Variants in SLC25A12 observed in about 807,000 individuals in gnomAD.
SLC25A12 encodes electrogenic aspartate/glutamate antiporter SLC25A12, mitochondrial.
In SLC25A12, 32 loss-of-function variants were observed where a neutral mutation model predicts 83.3. The observed-to-expected ratio is 0.38, with a 90% confidence interval of 0.29 to 0.52. The LOEUF (loss-of-function observed/expected upper bound fraction) is 0.52. SLC25A12 is among the 20% of genes least tolerant of loss of function. The pLI, the probability that SLC25A12 is intolerant of heterozygous loss-of-function variation, is 0.84. For synonymous variants in SLC25A12, 267 were observed against 291.1 expected (o/e 0.92, Z 0.84); for missense variants, 611 against 835.6 (o/e 0.73, Z 3.31).
intron 13 of SLC25A12, among the ~76,000 whole-genome samples, chr2:171,803,746 T>G (rs1184260941): frequency 6.6e-6 from 1 of 152,116 alleles, no homozygotes; most frequent in Admixed American, 6.5e-5. Context: ...TGTTCACACC[T>G]GTGAACAGTC....
chr2:171,888,644 T>C (rs993145331), intron 2 of SLC25A12, among the ~76,000 whole-genome samples: 1 of 152,086 alleles, frequency 6.6e-6, no homozygotes, highest in East Asian at 1.9e-4. Flanking sequence ...GGTTTCACCA[T>C]GTTGCCCAGG....
intron 1 of SLC25A12, among the ~76,000 whole-genome samples, chr2:171,893,923 A>G (rs2105938517): frequency 6.6e-6 from 1 of 152,010 alleles, no homozygotes; most frequent in South Asian, 2.1e-4. Flanking sequence ...CCGGACTCAC[A>G]ATCCCATGCA....
intron 4 of SLC25A12, among the ~76,000 whole-genome samples, chr2:171,847,034 T>C (rs1684811784): frequency 6.6e-6 from 1 of 152,182 alleles, no homozygotes. Context: ...TCCATGAGTA[T>C]TTGGACATTT....
chr2:171,805,043 T>C (rs530454565), intron 13 of SLC25A12, among the ~76,000 whole-genome samples: 4 of 152,086 alleles, frequency 2.6e-5, no homozygotes, highest in Admixed American at 2.0e-4. Flanking sequence ...AATGGGGGAG[T>C]TGTATGGTAC....
intron 8 of SLC25A12, among the ~76,000 whole-genome samples, chr2:171,831,205 G>C (rs1247007654): frequency 6.6e-6 from 1 of 152,194 alleles, no homozygotes; most frequent in African/African-American, 2.4e-5. Flanking sequence ...AAGGACCTAA[G>C]GGAGCCTGGG....
intron 8 of SLC25A12, among the ~76,000 whole-genome samples, chr2:171,832,739 A>G (rs1217494367): frequency 6.6e-6 from 1 of 152,230 alleles, no homozygotes; most frequent in Non-Finnish European, 1.5e-5. Context: ...GACAGCTTGG[A>G]AGACACTGCC....
chr2:171,841,712 T>A (rs1214581015), intron 5 of SLC25A12, among the ~76,000 whole-genome samples: 1 of 152,124 alleles, frequency 6.6e-6, no homozygotes, highest in African/African-American at 2.4e-5. Flanking sequence ...CTCAAAAAAA[T>A]TTTATTCCAC....
At position 171,789,896 on chromosome 2, in the gene SLC25A12, CA is replaced by C. The variant is rs1048907992; in HGVS notation, c.1585+1554del. Reference sequence around the variant, plus strand: ...GTGACAGAGCAAGATTCTGTCTCACCAAAAAAAAAAAAGTGGGAGACTGGTA... The same window carrying C: ...GTGACAGAGCAAGATTCTGTCTCACCAAAAAAAAAAAGTGGGAGACTGGTA... On this transcript the variant is annotated intron_variant, in intron 15 of 17. Transcript: ENST00000422440. Among the ~76,000 whole-genome samples, 266 of 137,708 alleles carry C rather than the reference CA, an allele frequency of 1.9e-3. 1 individual carries two copies. Among genetic ancestry groups the C allele is most frequent in the Middle Eastern group, 7.1e-3 (2 of 282 alleles). The allele number at this position is 137,708 out of a possible 152,430, so 90.3% of individuals were successfully genotyped here. A position where few individuals can be genotyped will look rare whatever the true frequency, so the allele number is the denominator to read the frequency against.
intron 15 of SLC25A12, chr2:171,788,766 G>A (rs1388458343): frequency 2.0e-5 from 3 of 152,316 alleles, no homozygotes; most frequent in Non-Finnish European, 2.9e-5. Context: ...TGGCAGCCTT[G>A]TACGAGGTTC....
At chr2:171,881,828 A>G (rs1685701582) in intron 2 of SLC25A12, among the ~76,000 whole-genome samples, 1 of 152,106 alleles carries the variant, frequency 6.6e-6, no homozygotes, top group Non-Finnish European at 1.5e-5. Flanking sequence ...ATAATGAGCC[A>G]TGGGATGGGA....
chr2:171,893,118 T>C lies in SLC25A12; in HGVS notation c.66+87A>G, dbSNP rs1685980288. On this transcript the variant is annotated intron_variant, in intron 2 of 17. Coordinates refer to ENST00000422440, the MANE Select transcript of SLC25A12 (RefSeq NM_003705.5). ...TGAAAGAATACATGAAAACTGAACA[T>C]TCCTCAAAGTTAAGGCATGAATAGG... 7 of 1,021,754 alleles carry C rather than the reference T, an allele frequency of 6.9e-6. No homozygotes were observed. The South Asian group carries it at 9.3e-5, about 14-fold the overall frequency. 63.3% of individuals were successfully genotyped at this position (1,021,754 alleles called of 1,614,324 possible).
intron 4 of SLC25A12, among the ~76,000 whole-genome samples, chr2:171,850,287 T>C (rs1403517979): frequency 6.6e-6 from 1 of 151,678 alleles, no homozygotes; most frequent in South Asian, 2.1e-4. Flanking sequence ...GGCTAATTTT[T>C]GTATTTTTGC....
intron 9 of SLC25A12, among the ~76,000 whole-genome samples, chr2:171,821,138 T>C (rs748812650): frequency 1.9e-4 from 28 of 145,002 alleles, no homozygotes; most frequent in Non-Finnish European, 3.0e-5. Context: ...CAAGCAATTC[T>C]CGTGCCTCAG....
intron 4 of SLC25A12, 131 bp from the exon 5 acceptor site, chr2:171,844,639 C>T (rs1024191808): frequency 1.5e-6 from 1 of 657,464 alleles, no homozygotes; most frequent in South Asian, 1.9e-5. Context: ...AAAATAACTG[C>T]AATTTTTTTG....
intron 13 of SLC25A12, among the ~76,000 whole-genome samples, chr2:171,806,467 G>A (rs925927961): frequency 2.0e-5 from 3 of 151,986 alleles, no homozygotes; most frequent in African/African-American, 7.2e-5. Flanking sequence ...AAACAAAAAC[G>A]AAAACAAAAA....
intron 13 of SLC25A12, among the ~76,000 whole-genome samples, chr2:171,808,008 G>C (rs1262933119): frequency 6.6e-6 from 1 of 152,168 alleles, no homozygotes; most frequent in Admixed American, 6.6e-5. Flanking sequence ...CAAGGTCACT[G>C]ACCTCATCAC....
At chr2:171,841,606 C>G (rs1009366297) in intron 5 of SLC25A12, among the ~76,000 whole-genome samples, 1 of 152,198 alleles carries the variant, frequency 6.6e-6, no homozygotes, top group African/African-American at 2.4e-5. Flanking sequence ...CTCCTGGACT[C>G]AAGTGATCTC....
Position 171,834,077 on chromosome 2 carries a change from G to T in SLC25A12, c.752-21C>A, listed in dbSNP as rs776964078. 22 of 1,405,456 alleles carry T rather than the reference G, an allele frequency of 1.6e-5. No homozygotes were observed. The South Asian group carries it at 2.5e-4, about 16-fold the overall frequency. 87.1% of individuals were successfully genotyped at this position (1,405,456 alleles called of 1,614,324 possible). On this transcript the variant is annotated intron_variant, in intron 7 of 17. Transcript: ENST00000422440. Reference sequence around the variant, plus strand: ...TTCCTCTGGAACAGAGAAAAAAAAAGTTAAAATCTTGAATGATTCTTAATA... The same window carrying T: ...TTCCTCTGGAACAGAGAAAAAAAAATTTAAAATCTTGAATGATTCTTAATA...
intron 6 of SLC25A12, 113 bp from the exon 7 acceptor site, chr2:171,834,978 G>T: frequency 5.5e-6 from 6 of 1,088,432 alleles, no homozygotes; most frequent in Non-Finnish European, 5.4e-6. Context: ...TTAAAATGAT[G>T]TTAACAACCA....
Sources: allele counts gnomAD v4.1 joint callset (sites outside exome capture counted in the v4.1 genomes callset), GRCh38; gene constraint gnomAD v4.1.1; transcripts MANE v1.5; gene names NCBI Gene and HGNC (gene_info 2026-07-23, HGNC 2026-07-21).